HDAC5: variants seen among roughly 807,000 people sequenced by gnomAD.
HDAC5 encodes the protein antigen NY-CO-9.
Under a neutral mutation model 133.3 loss-of-function variants are expected in HDAC5, and 25 were observed. The ratio of observed to expected loss-of-function variants is 0.19; its 90% CI spans 0.14 to 0.26. The LOEUF (loss-of-function observed/expected upper bound fraction) is 0.26. HDAC5 is among the 10% of genes least tolerant of loss of function. The pLI, the probability that HDAC5 is intolerant of heterozygous loss-of-function variation, is 1.00. For missense variants in HDAC5, 1,041 were observed against 1,460.5 expected, an observed-to-expected ratio of 0.71 and a Z score of 4.68; for synonymous variants, 589 against 610.8, an observed-to-expected ratio of 0.96 and a Z score of 0.53.
Position 44,110,712 on chromosome 17 carries a change from G to T in HDAC5, c.94+17C>A. 1 of 1,607,404 alleles carries T rather than the reference G, an allele frequency of 6.2e-7. No individual in the cohort carries two copies. The highest frequency in any genetic ancestry group is 8.5e-7 in the Non-Finnish European group (1 of 1,174,324). Reference sequence around the variant, plus strand: ...TGCCAGATGACAGAGGGCAGGCAGGGACATCAAGGCACTTACCTGTCACAG... The same window carrying T: ...TGCCAGATGACAGAGGGCAGGCAGGTACATCAAGGCACTTACCTGTCACAG... On this transcript the variant is annotated intron_variant, in intron 3 of 26. Coordinates refer to ENST00000682912, the MANE Select transcript of HDAC5 (RefSeq NM_005474.5).
Position 44,119,606 on chromosome 17 carries a change from GC to G in HDAC5, c.-189-1903del. On this transcript the variant is annotated intron_variant, in intron 1 of 26. Coordinates refer to ENST00000682912, the MANE Select transcript of HDAC5 (RefSeq NM_005474.5). ...CTATAAAATTCAGCAGGATCCCTGG[GC>G]CCCTGGGCCCTGTCCACCTGTAAAG... Among the ~76,000 whole-genome samples the G allele has an allele frequency of 1.3e-5, 2 of 152,260 alleles. 1 individual carries two copies. The highest frequency in any genetic ancestry group is 6.8e-3 in the Middle Eastern group (2 of 294).
chr17:44,078,227 C>T lies in HDAC5; in HGVS notation c.*149G>A. The T allele has an allele frequency of 1.3e-6, 1 of 761,426 alleles. No homozygotes were observed. The highest frequency in any genetic ancestry group is 2.0e-6 in the Non-Finnish European group (1 of 502,732). 47.2% of individuals were successfully genotyped at this position (761,426 alleles called of 1,614,324 possible). ...TAGAGCTGAGGTGGAAGCCACAGGG[C>T]TGGGGGCCTGAGGCAGCGTAGAGGA... On this transcript the variant is annotated 3_prime_UTR_variant, in exon 27 of 27. Coordinates refer to ENST00000682912, the MANE Select transcript of HDAC5 (RefSeq NM_005474.5).
In HDAC5 at chr17:44,092,295, AG is replaced by A; in HGVS notation, c.920-12del. ...TACACACGGACGACGCTATAGGAGA[AG>A]TGGCTGTCACCTGGGCCTGCTGTGA... On this transcript the variant is annotated splice_polypyrimidine_tract_variant and intron_variant, in intron 8 of 26. Transcript: ENST00000682912. The A allele has an allele frequency of 6.2e-7, 1 of 1,613,834 alleles. No homozygotes were observed. The highest frequency in any genetic ancestry group is 1.1e-5 in the South Asian group (1 of 91,060).
chr17:44,097,047 G>T (rs2035535262), intron 3 of HDAC5, among the ~76,000 whole-genome samples: 1 of 152,236 alleles, frequency 6.6e-6, no homozygotes, highest in Non-Finnish European at 1.5e-5. Flanking sequence ...AGAAGAGAGG[G>T]AGGTGGGAGG....
At position 44,110,788 on chromosome 17, in the gene HDAC5, C is replaced by T. The variant is rs766510730; in HGVS notation, c.35G>A (p.Gly12Asp). 6.2e-7 allele frequency: 1 copy of T among 1,613,774 alleles called. No individual in the cohort carries two copies. The highest frequency in any genetic ancestry group is 2.2e-5 in the East Asian group (1 of 44,872). ...NSPNESDGMS[G>D]REPSLEILPR... ...CAGGATTTCCAAGGATGGTTCCCGACCTGACATCCCATCTGCTGAGAAACA... is the reference window on the plus strand; with the variant it reads ...CAGGATTTCCAAGGATGGTTCCCGATCTGACATCCCATCTGCTGAGAAACA... Residue 12 changes from glycine to aspartate, a missense_variant, in exon 3 of 27, where the codon GGT becomes GAT. Gly to Asp is a moderately conservative substitution (Grantham distance 94). Coordinates refer to ENST00000682912, the MANE Select transcript of HDAC5 (RefSeq NM_005474.5).
In HDAC5 at chr17:44,092,183, T is replaced by A; in HGVS notation, c.1021A>T (p.Ile341Phe). The A allele has an allele frequency of 6.2e-7, 1 of 1,613,574 alleles. No individual in the cohort carries two copies. The highest frequency in any genetic ancestry group is 8.5e-7 in the Non-Finnish European group (1 of 1,179,616). The change falls in exon 9 of 27, where the codon ATC becomes TTC. Residue 341 changes from isoleucine to phenylalanine, a missense_variant. By Grantham distance (21) the Ile-to-Phe change is conservative (BLOSUM62 0). Coordinates refer to ENST00000682912, the MANE Select transcript of HDAC5 (RefSeq NM_005474.5). ...AGCCAGGCCTGTACCTCAGTGGGGA[T>A]GTTGGGGACTGAGCCAGTAAAGCCA... ...ENGFTGSVPN[I>F]PTEMLPQHRA... is the part of the protein sequence containing the mutation.
Position 44,078,832 on chromosome 17 carries a change from G to A in HDAC5, c.3126C>T (p.Asn1042=), listed in dbSNP as rs780132126. ...TGACTTTCTCTAGCGTGGCCACTGC[G>A]TTGATGTTGGGCTTTTGCTGCAAGA... ...EAVLQQKPNI[N]AVATLEKVIE... Residue 1042 remains asparagine, a synonymous_variant, in exon 25 of 27, where the codon AAC becomes AAT. Transcript: ENST00000682912. 3.7e-5 allele frequency: 59 copies of A among 1,614,050 alleles called. No homozygotes were observed. The highest frequency in any genetic ancestry group is 1.8e-4 in the East Asian group (8 of 44,898).
intron 3 of HDAC5, among the ~76,000 whole-genome samples, chr17:44,107,892 C>T (rs979211391): frequency 6.6e-6 from 1 of 152,180 alleles, no homozygotes; most frequent in Non-Finnish European, 1.5e-5. Context: ...AAGCAGACTC[C>T]TCCTCCATGC....
intron 3 of HDAC5, among the ~76,000 whole-genome samples, chr17:44,094,251 G>C (rs1438344971): frequency 6.6e-6 from 1 of 151,980 alleles, no homozygotes. Context: ...TGAACCCCGG[G>C]AGGCGGAGGT....
At chr17:44,092,994 C>T (rs2051038407) in intron 6 of HDAC5, 98 bp downstream of exon 6, 9 of 832,046 alleles carry the variant, frequency 1.1e-5, no homozygotes, top group East Asian at 2.6e-5. Flanking sequence ...TTGCAGGGCC[C>T]GTATATGGGC....
intron 3 of HDAC5, among the ~76,000 whole-genome samples, chr17:44,105,876 T>C (rs1261320135): frequency 1.3e-5 from 2 of 152,212 alleles, no homozygotes; most frequent in Non-Finnish European, 2.9e-5. Context: ...ACTCCAAGGA[T>C]GGGCTCAGTC....
chr17:44,105,239 G>A (rs964102938), intron 3 of HDAC5, among the ~76,000 whole-genome samples: 3 of 152,204 alleles, frequency 2.0e-5, no homozygotes, highest in African/African-American at 7.2e-5. Flanking sequence ...CAGGGGTGCA[G>A]GGGAGAATGG....
At chr17:44,082,508 G>T in intron 20 of HDAC5, 77 bp downstream of exon 20, 1 of 1,159,420 alleles carries the variant, frequency 8.6e-7, no homozygotes. Flanking sequence ...GTGGGGCTGG[G>T]GGAGGAGACT....
rs755869903 is a variant in HDAC5, at chr17:44,078,684, C to CAAGG, written c.3164-23_3164-20dup. 1 of 1,605,178 alleles carries CAAGG rather than the reference C, an allele frequency of 6.2e-7. No individual in the cohort carries two copies. The highest frequency in any genetic ancestry group is 8.5e-7 in the Non-Finnish European group (1 of 1,176,942). ...TGTTTGCCTGTGGACGAGAGACAGG[C>CAAGG]AAGGGGTCAGGGAGGGCAGAGGACA... On this transcript the variant is annotated intron_variant, in intron 25 of 26. Coordinates refer to ENST00000682912, the MANE Select transcript of HDAC5 (RefSeq NM_005474.5).
At chr17:44,082,438 G>GC (rs2143066391) in intron 20 of HDAC5, 147 bp downstream of exon 20, 1 of 631,706 alleles carries the variant, frequency 1.6e-6, no homozygotes, top group African/African-American at 1.8e-5. Context: ...GAGCCCCAGC[G>GC]CCCTTCCTTC....
intron 3 of HDAC5, among the ~76,000 whole-genome samples, chr17:44,098,718 G>T (rs148013885): frequency 5.2e-4 from 76 of 144,826 alleles, no homozygotes; most frequent in African/African-American, 1.9e-3. Context: ...TCTAGCCTGG[G>T]TGATAGAGCG....
At chr17:44,109,192 T>C (rs1172289926) in intron 3 of HDAC5, among the ~76,000 whole-genome samples, 1 of 152,190 alleles carries the variant, frequency 6.6e-6, no homozygotes, top group Non-Finnish European at 1.5e-5. Flanking sequence ...ATAAGCCAGA[T>C]GGCGTGGAGC....
intron 12 of HDAC5, 68 bp downstream of exon 12, chr17:44,088,319 G>T: frequency 6.6e-7 from 1 of 1,504,278 alleles, no homozygotes. Flanking sequence ...GGACTTTTCT[G>T]CCAGCCTGGT....
intron 11 of HDAC5, among the ~76,000 whole-genome samples, chr17:44,090,957 G>C (rs1326645314): frequency 6.6e-6 from 1 of 152,192 alleles, no homozygotes; most frequent in South Asian, 2.1e-4. Flanking sequence ...CCAAAGTGCT[G>C]GGATTTCAGG....
Sources: gnomAD v4.1 joint callset for allele counts (sites outside exome capture counted in the v4.1 genomes callset) on GRCh38, gnomAD v4.1.1 for gene constraint, MANE v1.5 for transcripts, NCBI Gene and HGNC (gene_info 2026-07-23, HGNC 2026-07-21) for gene names.